Variants in ARSB observed in about 807,000 individuals in gnomAD.
The protein encoded by ARSB is arylsulfatase B.
ARSB carries 41 observed loss-of-function variants against 50.9 expected under a neutral mutation model. The observed-to-expected ratio is 0.81, with a 90% CI of 0.63 to 1.04. The LOEUF (loss-of-function observed/expected upper bound fraction) is 1.04. Ranked by LOEUF, ARSB falls within the 50% of genes least tolerant of loss-of-function variation. The probability of loss-of-function intolerance (pLI) is 0.00; values close to 1 mark genes in which losing one functional copy is unlikely to be tolerated. For synonymous variants in ARSB, 269 were observed against 284.8 expected (o/e 0.94, Z 0.56); for missense variants, 672 against 693.3 (o/e 0.97, Z 0.35).
intron 5 of ARSB, among the ~76,000 whole-genome samples, chr5:78,861,127 A>G (rs1023959791): frequency 5.9e-5 from 9 of 152,230 alleles, no homozygotes; most frequent in African/African-American, 1.9e-4. Context: ...TTAATAGCCT[A>G]CCAACCAAAA....
rs565434101 is a variant in ARSB, at chr5:78,905,456, T to A, written c.899-19629A>T. Among the ~76,000 whole-genome samples the A allele has an allele frequency of 3.3e-5, 5 of 152,046 alleles. No homozygotes were observed. The South Asian group carries it at 8.3e-4, about 25-fold the overall frequency. On this transcript the variant is annotated intron_variant, in intron 4 of 7. Coordinates refer to ENST00000264914, the MANE Select transcript of ARSB (RefSeq NM_000046.5). ...ATCCTCTCGAGGGTGTTGATGTTTG[T>A]TTGGTTAAGCAGAGAATCAACCTAG... is the stretch of plus-strand genomic sequence containing the variant.
intron 5 of ARSB, among the ~76,000 whole-genome samples, chr5:78,850,083 A>C (rs150957919): frequency 6.4e-3 from 703 of 110,696 alleles, no homozygotes; most frequent in South Asian, 0.016. Context: ...CCCTGGCCAG[A>C]ACTTCCAACA....
At chr5:78,814,883 G>T (rs535024164) in intron 6 of ARSB, among the ~76,000 whole-genome samples, 1 of 150,668 alleles carries the variant, frequency 6.6e-6, no homozygotes, top group Non-Finnish European at 1.5e-5. Context: ...TCAGCATGCT[G>T]CCCAGGTGAC....
rs371296165 is a variant in ARSB at position 78,854,259 on chromosome 5, C to T, written c.1143-14833G>A. Among the ~76,000 whole-genome samples the T allele has an allele frequency of 1.6e-4, 25 of 152,276 alleles. No individual in the cohort carries two copies. In the South Asian group the frequency reaches 5.0e-3, roughly 30 times the overall value. On this transcript the variant is annotated intron_variant, in intron 5 of 7. Coordinates refer to ENST00000264914, the MANE Select transcript of ARSB (RefSeq NM_000046.5). The stretch of plus-strand genomic sequence containing the variant: ...TGCTTTCATCATTATTTCTTTCCTT[C>T]TACTAATTTTGGATTTGGCTTGTTC...
chr5:78,908,714 T>C (rs1301281249), intron 4 of ARSB, among the ~76,000 whole-genome samples: 1 of 147,568 alleles, frequency 6.8e-6, no homozygotes, highest in Non-Finnish European at 1.5e-5. Context: ...TTCATTTCTC[T>C]ACAACACTGG....
rs772300978 is a variant in ARSB, at chr5:78,985,012, C to G, written c.237G>C (p.Gly79=). Residue 79 remains glycine, a synonymous_variant, in exon 1 of 8, where the codon GGG becomes GGC. Coordinates refer to ENST00000264914, the MANE Select transcript of ARSB (RefSeq NM_000046.5). ...GCGTGTAGTAGTTGTCCAGGAGCAC[C>G]CCGCCGGCCGCCAGCGCGTCCAGGT... ...TPHLDALAAG[G]VLLDNYYTQP... 11 of 1,539,550 alleles carry G rather than the reference C, an allele frequency of 7.1e-6. No homozygotes were observed. The highest frequency in any genetic ancestry group is 9.6e-6 in the Non-Finnish European group (11 of 1,145,850).
At chr5:78,961,028 C>T (rs571668515) in intron 3 of ARSB, among the ~76,000 whole-genome samples, 33 of 152,340 alleles carry the variant, frequency 2.2e-4, no homozygotes, top group African/African-American at 7.5e-4. Context: ...GCATCAGCAA[C>T]TGTGTTTCAG....
chr5:78,912,327 C>G, intron 4 of ARSB, among the ~76,000 whole-genome samples: 1 of 152,208 alleles, frequency 6.6e-6, no homozygotes, highest in East Asian at 1.9e-4. Context: ...TCAACGATAT[C>G]AACATATTGC....
chr5:78,828,499 G>A (rs1488307179), intron 6 of ARSB, among the ~76,000 whole-genome samples: 3 of 152,148 alleles, frequency 2.0e-5, no homozygotes, highest in African/African-American at 7.2e-5. Context: ...TTCAGTGGAG[G>A]TGAAAGAGGG....
intron 4 of ARSB, among the ~76,000 whole-genome samples, chr5:78,887,586 C>T (rs540935172): frequency 2.0e-5 from 3 of 152,336 alleles, no homozygotes; most frequent in Admixed American, 2.0e-4. Flanking sequence ...GGGTACCTGA[C>T]ACAACCTAAG....
chr5:78,867,122 C>T (rs544124776), intron 5 of ARSB, among the ~76,000 whole-genome samples: 22 of 152,244 alleles, frequency 1.4e-4, no homozygotes, highest in African/African-American at 4.6e-4. Flanking sequence ...GCTTAAAAAA[C>T]GGCGTACCAC....
intron 4 of ARSB, among the ~76,000 whole-genome samples, chr5:78,939,149 T>C (rs1158617642): frequency 6.6e-6 from 1 of 152,196 alleles, no homozygotes; most frequent in African/African-American, 2.4e-5. Context: ...GATGTATCCA[T>C]GCCATGGGGA....
At chr5:78,906,409 C>A (rs1249171172) in intron 4 of ARSB, among the ~76,000 whole-genome samples, 1 of 152,162 alleles carries the variant, frequency 6.6e-6, no homozygotes, top group Non-Finnish European at 1.5e-5. Context: ...CTTTCCTAGA[C>A]CTCTGGTTAG....
At chr5:78,854,482 A>T (rs1746039756) in intron 5 of ARSB, among the ~76,000 whole-genome samples, 1 of 152,082 alleles carries the variant, frequency 6.6e-6, no homozygotes, top group Admixed American at 6.5e-5. Flanking sequence ...TTCTTTATTG[A>T]CCCATTGACC....
At chr5:78,853,258 T>G (rs4704528) in intron 5 of ARSB, among the ~76,000 whole-genome samples, 19,343 of 152,242 alleles carry the variant, frequency 0.13, 1,425 homozygotes, top group Middle Eastern at 0.21. Flanking sequence ...TTCTGTTTGT[T>G]AGTTTTCCTT....
intron 4 of ARSB, among the ~76,000 whole-genome samples, chr5:78,901,045 A>C (rs1748780209): frequency 1.6e-5 from 1 of 63,652 alleles, no homozygotes; most frequent in South Asian, 7.5e-4. Context: ...ACTCCGTCTC[A>C]GGAAAAAAAA....
At chr5:78,931,713 T>C (rs1036779002) in intron 4 of ARSB, among the ~76,000 whole-genome samples, 1 of 151,916 alleles carries the variant, frequency 6.6e-6, no homozygotes, top group African/African-American at 2.4e-5. Context: ...CTTTGGCAAA[T>C]ATAGTTTGTC....
intron 4 of ARSB, among the ~76,000 whole-genome samples, chr5:78,918,551 A>G (rs1384897922): frequency 2.7e-5 from 4 of 150,750 alleles, no homozygotes; most frequent in Middle Eastern, 3.4e-3. Flanking sequence ...TATCATGTGC[A>G]CACACACACA....
intron 3 of ARSB, among the ~76,000 whole-genome samples, chr5:78,960,310 G>A (rs1354028942): frequency 2.6e-5 from 4 of 152,016 alleles, no homozygotes; most frequent in African/African-American, 4.8e-5. Flanking sequence ...ACTTATTTCA[G>A]TGAGGAAGAA....
Sources: gnomAD v4.1 joint callset for allele counts (sites outside exome capture counted in the v4.1 genomes callset) on GRCh38, gnomAD v4.1.1 for gene constraint, MANE v1.5 for transcripts, NCBI Gene and HGNC (gene_info 2026-07-23, HGNC 2026-07-21) for gene names.